The following CELF2 variants were observed in gnomAD, a reference collection of about 807,000 sequenced individuals.
The protein encoded by CELF2 is CUG triplet repeat RNA-binding protein 2.
CELF2 carries 8 observed loss-of-function variants against 62.6 expected under a neutral mutation model. The observed-to-expected ratio is 0.13, with a 90% confidence interval of 0.07 to 0.23. The LOEUF is 0.23. Among genes scored for constraint, CELF2 ranks in the 10% least tolerant of loss-of-function variants. CELF2 has a pLI of 1.00. For missense variants in CELF2, 333 were observed against 671.0 expected, an observed-to-expected ratio of 0.50 and a Z score of 5.56; for synonymous variants, 258 against 250.0, an observed-to-expected ratio of 1.03 and a Z score of -0.30.
intron 1 of CELF2, among the ~76,000 whole-genome samples, chr10:11,091,896 G>A (rs572697170): frequency 6.6e-6 from 1 of 152,170 alleles, no homozygotes. Context: ...AGACGGTAAC[G>A]TTGGCTTAAA....
At chr10:11,281,356 C>G (rs1001744152) in intron 8 of CELF2, among the ~76,000 whole-genome samples, 1 of 152,078 alleles carries the variant, frequency 6.6e-6, no homozygotes, top group Non-Finnish European at 1.5e-5. Flanking sequence ...AAGAACACGA[C>G]GAAGAGCACT....
chr10:10,958,717 C>A (rs1230891530), intron 2 of CELF2, among the ~76,000 whole-genome samples: 2 of 151,930 alleles, frequency 1.3e-5, no homozygotes, highest in Admixed American at 1.3e-4. Context: ...GTGGTGAGTA[C>A]CTGTAAGTCC....
intron 1 of CELF2, among the ~76,000 whole-genome samples, chr10:11,123,645 A>G (rs114283144): frequency 2.1e-3 from 324 of 152,272 alleles, no homozygotes; most frequent in African/African-American, 7.6e-3. Flanking sequence ...TGTTGGGACA[A>G]TTCCTTTGCA....
chr10:10,916,162 T>C (rs886075749), intron 1 of CELF2, among the ~76,000 whole-genome samples: 1 of 152,206 alleles, frequency 6.6e-6, no homozygotes, highest in Non-Finnish European at 1.5e-5. Context: ...CTAATTCAGA[T>C]GACTGTTTAA....
chr10:10,979,342 CT>C (rs1200314372), intron 2 of CELF2, among the ~76,000 whole-genome samples: 9 of 152,122 alleles, frequency 5.9e-5, no homozygotes, highest in Admixed American at 3.9e-4. Context: ...GTGGAAATTT[CT>C]TAAATAATTA....
chr10:11,085,636 AAG>A (rs1173979508), intron 1 of CELF2, among the ~76,000 whole-genome samples: 1 of 151,864 alleles, frequency 6.6e-6, no homozygotes, highest in Non-Finnish European at 1.5e-5. Flanking sequence ...AAACTGCCTA[AAG>A]TTACATATTG....
chr10:10,833,742 C>A (rs926274742), intron 1 of CELF2, among the ~76,000 whole-genome samples: 3 of 151,962 alleles, frequency 2.0e-5, no homozygotes. Context: ...TAGAGAAATG[C>A]AAATCAAAAT....
chr10:10,541,082 A>C, the CELF2 span, among the ~76,000 whole-genome samples: 3 of 151,932 alleles, frequency 2.0e-5, no homozygotes, highest in Non-Finnish European at 4.4e-5. Flanking sequence ...TCTCTACTAA[A>C]AATACAAAAA....
intron 2 of CELF2, among the ~76,000 whole-genome samples, chr10:11,197,052 A>AGAAAGAAAGAAAGAAAGAAAGAAG (rs2058030301): frequency 9.5e-5 from 3 of 31,688 alleles, no homozygotes; most frequent in African/African-American, 3.8e-4. Flanking sequence ...AAAGAAAGAA[A>AGAAAGAAAGAAAGAAAGAAAGAAG]GAAAGAAAAG....
At position 11,079,962 on chromosome 10, in the gene CELF2, C is replaced by T. The variant is rs540702293; in HGVS notation, c.74+61799C>T. Among the ~76,000 whole-genome samples, 32 of 152,132 alleles carry T rather than the reference C, an allele frequency of 2.1e-4. No individual in the cohort carries two copies. In the Middle Eastern group the frequency reaches 0.01, roughly 49 times the overall value. On this transcript the variant is annotated intron_variant, in intron 1 of 12. Coordinates refer to ENST00000633077, the MANE Select transcript of CELF2 (RefSeq NM_001326342.2). ...TGCTGACCATTTTTACTACTTATAG[C>T]GCTAAGAAAAAAATGAAATGGAACC... is the stretch of plus-strand genomic sequence containing the variant.
At chr10:10,868,408 G>A (rs796110288) in intron 1 of CELF2, among the ~76,000 whole-genome samples, 26 of 152,316 alleles carry the variant, frequency 1.7e-4, no homozygotes, top group African/African-American at 6.3e-4. Flanking sequence ...GCCATACCAA[G>A]AACAAATACT....
At chr10:10,913,123 T>C (rs1001566988) in intron 1 of CELF2, among the ~76,000 whole-genome samples, 1 of 152,150 alleles carries the variant, frequency 6.6e-6, no homozygotes, top group Non-Finnish European at 1.5e-5. Context: ...CACATTTTGA[T>C]GTTTTAATCA....
chr10:10,822,826 G>C (rs2057075351), intron 1 of CELF2, among the ~76,000 whole-genome samples: 1 of 152,184 alleles, frequency 6.6e-6, no homozygotes, highest in Admixed American at 6.5e-5. Context: ...ACTTATTATA[G>C]ATTTTATATT....
At chr10:10,563,764 T>C in the CELF2 span, among the ~76,000 whole-genome samples, 1 of 152,158 alleles carries the variant, frequency 6.6e-6, no homozygotes. Context: ...TTCTATGTAA[T>C]GTGTATTCTG....
At chr10:10,918,186 G>A (rs1262863574) in intron 1 of CELF2, among the ~76,000 whole-genome samples, 1 of 152,192 alleles carries the variant, frequency 6.6e-6, no homozygotes, top group African/African-American at 2.4e-5. Context: ...ACTTAAAAGA[G>A]ACTTCTATTG....
intron 9 of CELF2, among the ~76,000 whole-genome samples, chr10:11,299,113 T>C (rs12360132): frequency 0.99 from 150,522 of 152,382 alleles, 74,366 homozygotes; most frequent in Middle Eastern, 1. Flanking sequence ...CTAGAACCAA[T>C]ATCCCCTCCT....
intron 3 of CELF2, among the ~76,000 whole-genome samples, chr10:11,226,753 C>A (rs915332956): frequency 2.0e-5 from 3 of 151,942 alleles, no homozygotes; most frequent in African/African-American, 7.3e-5. Context: ...GCGAGCGAGG[C>A]AAGGTATTTG....
chr10:10,971,919 G>A (rs1243472957), intron 2 of CELF2, among the ~76,000 whole-genome samples: 1 of 151,962 alleles, frequency 6.6e-6, no homozygotes, highest in Non-Finnish European at 1.5e-5. Context: ...TTTTCTTTTT[G>A]TTTTTATTGA....
At chr10:10,958,342 G>C (rs890433800) in intron 2 of CELF2, among the ~76,000 whole-genome samples, 1 of 152,160 alleles carries the variant, frequency 6.6e-6, no homozygotes, top group Non-Finnish European at 1.5e-5. Flanking sequence ...CATTTTAAAA[G>C]GGGAAAATAG....
Sources: allele counts gnomAD v4.1 joint callset (sites outside exome capture counted in the v4.1 genomes callset), GRCh38; gene constraint gnomAD v4.1.1; transcripts MANE v1.5; gene names NCBI Gene and HGNC (gene_info 2026-07-23, HGNC 2026-07-21).